ERAP1: variants seen among roughly 807,000 people sequenced by gnomAD.
ERAP1 encodes the protein adipocyte-derived leucine aminopeptidase.
In ERAP1, 86 loss-of-function variants were observed where a neutral mutation model predicts 103.7. The observed-to-expected ratio is 0.83, with a 90% CI of 0.70 to 0.99. The LOEUF is 0.99. ERAP1 is among the 50% of genes least tolerant of loss of function. The pLI, the probability that ERAP1 is intolerant of heterozygous loss-of-function variation, is 0.00. For missense variants in ERAP1, 1,009 were observed against 1,128.4 expected (o/e 0.89, Z 1.52); for synonymous variants, 398 against 402.4 (o/e 0.99, Z 0.13).
In ERAP1 at chr5:96,792,061, C is replaced by T. The variant is rs1776787113; in HGVS notation, c.1320G>A (p.Lys440=). 1.9e-6 allele frequency: 3 copies of T among 1,613,822 alleles called. No homozygotes were observed. Among genetic ancestry groups the T allele is most frequent in the African/African-American group, 2.7e-5 (2 of 74,926 alleles). Residue 440 remains lysine, a splice_region_variant and synonymous_variant, in exon 8 of 19, where the codon AAG becomes AAA. Transcript: ENST00000443439. ...ATCCTTATACTCAATCTACTTTTAC[C>T]TTATCATAAGAAACATCATCAAACA... ...REMFDDVSYD[K]GACILNMLRE... is the part of the protein sequence containing the mutation.
At chr5:96,872,727 C>T in the ERAP1 span, among the ~76,000 whole-genome samples, 1 of 152,090 alleles carries the variant, frequency 6.6e-6, no homozygotes, top group Non-Finnish European at 1.5e-5. Flanking sequence ...TCCTCTGTAG[C>T]AAAGTATCAT....
chr5:96,788,898 C>T (rs886589439), intron 10 of ERAP1, among the ~76,000 whole-genome samples: 3 of 152,204 alleles, frequency 2.0e-5, no homozygotes, highest in East Asian at 3.8e-4. Context: ...ACTACACATA[C>T]GTGTCTGGAG....
chr5:96,889,364 C>G, the ERAP1 span: 1 of 1,572,414 alleles, frequency 6.4e-7, no homozygotes, highest in Non-Finnish European at 8.8e-7. Context: ...GCTTTGATCT[C>G]TTCCCTCTTT....
At chr5:96,836,176 G>GTTTTTTTTTTTTTTTTTTTTTTGTTTT in the ERAP1 span, among the ~76,000 whole-genome samples, 2 of 106,682 alleles carry the variant, frequency 1.9e-5, no homozygotes, top group Non-Finnish European at 3.6e-5. Flanking sequence ...CACCTCTTTG[G>GTTTTTTTTTTTTTTTTTTTTTTGTTTT]TTTTTTTTTT....
the ERAP1 span, chr5:96,879,665 G>A: frequency 6.2e-7 from 1 of 1,602,734 alleles, no homozygotes; most frequent in Non-Finnish European, 8.5e-7. Context: ...ATATTAACTT[G>A]TCTTCTAGAG....
At chr5:96,846,688 A>T in the ERAP1 span, among the ~76,000 whole-genome samples, 2 of 152,152 alleles carry the variant, frequency 1.3e-5, no homozygotes, top group African/African-American at 4.8e-5. Flanking sequence ...AGTCCTGAAC[A>T]ACAATTTTAT....
rs768842345 is a variant in ERAP1, at chr5:96,783,181, C to T, written c.2155G>A (p.Glu719Lys). 11 of 1,614,038 alleles carry T rather than the reference C, an allele frequency of 6.8e-6. No homozygotes were observed. The highest frequency in any genetic ancestry group is 5.0e-5 in the Admixed American group (3 of 60,010). The change falls in exon 15 of 19, where the codon GAG (glutamate) becomes AAG (lysine). Residue 719 changes from glutamate to lysine, a missense_variant. Glu to Lys is a moderately conservative substitution (Grantham distance 56, BLOSUM62 1). This residue lies in a region of ERAP1 where 611 missense variants were observed against 651.7 expected (regional missense o/e 0.94). Transcript: ENST00000443439. ...AGCATTCGCTCTGAGACTGAGCCCT[C>T]GTCTGTCCATGTCTGCTTATCAATG... is the stretch of plus-strand genomic sequence containing the variant. ...DLIDKQTWTD[E>K]GSVSERMLRS...
chr5:96,915,621 T>C, the ERAP1 span: 4 of 864,682 alleles, frequency 4.6e-6, no homozygotes, highest in African/African-American at 5.2e-5. Flanking sequence ...AAAAATATAA[T>C]ACATGATATA....
Position 96,807,850 on chromosome 5 carries a change from C to T in ERAP1, c.-18+10G>A, listed in dbSNP as rs1057200102. 2.0e-6 allele frequency: 2 copies of T among 985,692 alleles called. No individual in the cohort carries two copies. The highest frequency in any genetic ancestry group is 2.4e-6 in the Non-Finnish European group (2 of 830,168). The allele number at this position is 985,692 out of a possible 1,614,324, so 61.1% of individuals were successfully genotyped here. A position where few individuals can be genotyped will look rare whatever the true frequency, so the allele number is the denominator to read the frequency against. Reference sequence around the variant, plus strand: ...CGCAGTCCCCTACCCGCGGCTCGAGCGCGCTGTACCTGGGGTTCTGGGGCC... The same window carrying T: ...CGCAGTCCCCTACCCGCGGCTCGAGTGCGCTGTACCTGGGGTTCTGGGGCC... On this transcript the variant is annotated intron_variant, in intron 1 of 18. Coordinates refer to ENST00000443439, the MANE Select transcript of ERAP1 (RefSeq NM_001040458.3).
At chr5:96,820,957 AGAGGAAGAAGAG>A in the ERAP1 span, among the ~76,000 whole-genome samples, 2 of 146,846 alleles carry the variant, frequency 1.4e-5, no homozygotes, top group Admixed American at 6.6e-5. Context: ...AGAAAGAAGA[AGAGGAAGAAGAG>A]GAAGAGAGAG....
intron 18 of ERAP1, among the ~76,000 whole-genome samples, chr5:96,779,900 A>G (rs1447187463): frequency 1.3e-5 from 2 of 152,222 alleles, no homozygotes; most frequent in Admixed American, 1.3e-4. Context: ...CCTCAGCCAT[A>G]AGTCCCTCAC....
chr5:96,870,186 C>T, the ERAP1 span, among the ~76,000 whole-genome samples: 2 of 152,178 alleles, frequency 1.3e-5, no homozygotes, highest in Non-Finnish European at 2.9e-5. Context: ...TCTCTGACAG[C>T]CAGGAGCTGA....
the ERAP1 span, among the ~76,000 whole-genome samples, chr5:96,923,375 C>T: frequency 2.0e-5 from 3 of 152,072 alleles, no homozygotes; most frequent in Non-Finnish European, 4.4e-5. Flanking sequence ...CCTTGCAAAT[C>T]CAAACCTAAA....
In ERAP1 at chr5:96,783,221, C is replaced by G; in HGVS notation, c.2115G>C (p.Arg705Ser). 1 of 1,611,522 alleles carries G rather than the reference C, an allele frequency of 6.2e-7. No individual in the cohort carries two copies. The highest frequency in any genetic ancestry group is 8.5e-7 in the Non-Finnish European group (1 of 1,177,764). Residue 705 changes from arginine (R) to serine (S), a missense_variant, in exon 15 of 19, where the codon AGG becomes AGC. Arg to Ser is a moderately radical substitution (Grantham distance 110). Transcript: ENST00000443439. ...VETQFKAFLI[R>S]LLRDLIDKQT... ...GCTTATCAATGAGGTCCCTTAGCAG[C>G]CTGATGAGGAAGGCCTGAGGGCGTT...
At chr5:96,880,226 A>G in the ERAP1 span, 9 of 1,613,980 alleles carry the variant, frequency 5.6e-6, no homozygotes, top group Non-Finnish European at 7.6e-6. Context: ...AGGGTTTTAT[A>G]AAAGCACATA....
In ERAP1 at chr5:96,803,460, G is replaced by C. The variant is rs201066303; in HGVS notation, c.467C>G (p.Ser156Trp). Reference protein sequence around the residue: ...TVVIHYAGNLSETFHGFYKST... With the variant: ...TVVIHYAGNLWETFHGFYKST... The stretch of plus-strand genomic sequence containing the variant: ...TTTGTAAAATCCGTGGAAAGTCTCC[G>C]AAAGATTGCCAGCATAGTGAATGAC... Residue 156 changes from serine (S) to tryptophan (W), a missense_variant, in exon 2 of 19, where the codon TCG (serine) becomes TGG (tryptophan). Physicochemically the swap from Ser to Trp is radical, Grantham distance 177. Transcript: ENST00000443439. 235 of 1,613,068 alleles carry C rather than the reference G, an allele frequency of 1.5e-4. 1 individual carries two copies. Among genetic ancestry groups the C allele is most frequent in the Non-Finnish European group, 3.4e-5 (40 of 1,179,774 alleles).
exon 20 of ERAP1, chr5:96,762,040 A>G (rs1398273127): frequency 8.7e-6 from 3 of 346,100 alleles, no homozygotes; most frequent in Non-Finnish European, 1.6e-5. Flanking sequence ...ATATTATTGC[A>G]TAGTATTTAG....
At chr5:96,922,259 C>G in the ERAP1 span, among the ~76,000 whole-genome samples, 11 of 152,214 alleles carry the variant, frequency 7.2e-5, no homozygotes, top group African/African-American at 2.4e-4. Context: ...GATCAGGCCA[C>G]TGCACTCCGG....
At chr5:96,814,362 TGGG>T in the ERAP1 span, 3 of 455,920 alleles carry the variant, frequency 6.6e-6, no homozygotes, top group Non-Finnish European at 1.3e-5. Context: ...GCAAGGATCA[TGGG>T]GGCAACTTAG....
Sources: gnomAD v4.1 joint callset for allele counts (sites outside exome capture counted in the v4.1 genomes callset) on GRCh38, gnomAD v4.1.1 for gene constraint, gnomAD v4.1.1 regional missense constraint, MANE v1.5 for transcripts, NCBI Gene and HGNC (gene_info 2026-07-23, HGNC 2026-07-21) for gene names.